FAM120A: variants seen among roughly 807,000 people sequenced by gnomAD.
FAM120A encodes the protein constitutive coactivator of PPAR-gamma-like protein 1.
FAM120A carries 15 observed loss-of-function variants against 109.7 expected under a neutral mutation model. That is an observed-to-expected ratio of 0.14 (90% CI 0.09 to 0.21). The LOEUF is 0.21. Among genes scored for constraint, FAM120A ranks in the 10% least tolerant of loss-of-function variants. The probability of loss-of-function intolerance (pLI) is 1.00; values close to 1 mark genes in which losing one functional copy is unlikely to be tolerated. For missense variants in FAM120A, 899 were observed against 1,439.3 expected (o/e 0.62, Z 6.07); for synonymous variants, 493 against 572.8 (o/e 0.86, Z 1.99).
intron 5 of FAM120A, among the ~76,000 whole-genome samples, chr9:93,504,866 C>A (rs1019101822): frequency 1.3e-5 from 2 of 151,980 alleles, no homozygotes; most frequent in East Asian, 1.9e-4. Context: ...ATTCTCCTGG[C>A]AGAAGTGAAA....
In FAM120A at chr9:93,564,341, G is replaced by T. The variant is rs753136628; in HGVS notation, c.3158G>T (p.Gly1053Val). Residue 1053 changes from glycine to valine, a missense_variant, in exon 18 of 18, where the codon GGA becomes GTA. Coordinates refer to ENST00000277165, the MANE Select transcript of FAM120A (RefSeq NM_014612.5). ...MSSDGSLAEN[G>V]VMAEEKPAPQ... ...TCAGACGGGTCCCTGGCTGAAAACGGAGTGATGGCCGAGGAGAAGCCGGCT... is the reference window on the plus strand; with the variant it reads ...TCAGACGGGTCCCTGGCTGAAAACGTAGTGATGGCCGAGGAGAAGCCGGCT... 9 of 1,614,234 alleles carry T rather than the reference G, an allele frequency of 5.6e-6. No homozygotes were observed. In the South Asian group the frequency reaches 9.9e-5, roughly 18 times the overall value.
chr9:93,554,977 GGCT>G (rs1353556092), intron 12 of FAM120A, among the ~76,000 whole-genome samples: 21 of 152,184 alleles, frequency 1.4e-4, no homozygotes, highest in African/African-American at 5.1e-4. Context: ...ACCTGTGCTT[GGCT>G]GCTTTCCAAC....
At chr9:93,543,125 A>AT in intron 10 of FAM120A, 97 bp from the exon 11 acceptor site, 1 of 1,463,526 alleles carries the variant, frequency 6.8e-7, no homozygotes, top group East Asian at 2.3e-5. Context: ...TGAGAGGCGA[A>AT]TCTTTAGACC....
At position 93,532,181 on chromosome 9, in the gene FAM120A, T is replaced by C. The variant is rs553404571; in HGVS notation, c.1761T>C (p.Ile587=). 5.8e-5 allele frequency: 93 copies of C among 1,614,172 alleles called. No homozygotes were observed. The Admixed American group carries it at 1.1e-3, about 20-fold the overall frequency. ...TKGEIKIAVS[I]EDEANKDLPP... is the part of the protein sequence containing the mutation. ...GTGAAATCAAAATTGCTGTTTCTATTGAAGATGAAGCCAACAAGGACCTGC... is the reference window on the plus strand; with the variant it reads ...GTGAAATCAAAATTGCTGTTTCTATCGAAGATGAAGCCAACAAGGACCTGC... Residue 587 remains isoleucine (I), a synonymous_variant, in exon 10 of 18, where the codon ATT becomes ATC. Coordinates refer to ENST00000277165, the MANE Select transcript of FAM120A (RefSeq NM_014612.5). This position sits in a 1 kb window ranked among gnomAD's most constrained non-coding sequence, Gnocchi z 4.3.
At chr9:93,495,014 G>A (rs527632290) in intron 3 of FAM120A, among the ~76,000 whole-genome samples, 154 of 152,312 alleles carry the variant, frequency 1.0e-3, no homozygotes, top group Middle Eastern at 6.8e-3. Flanking sequence ...ATCACCCAGG[G>A]TTTCCATAGT....
chr9:93,543,530 C>T (rs1342240971), intron 11 of FAM120A, 59 bp downstream of exon 11: 1 of 1,573,268 alleles, frequency 6.4e-7, no homozygotes, highest in Non-Finnish European at 8.6e-7. Context: ...GGGCCATGAC[C>T]ATGGTGTCAG....
At chr9:93,562,101 G>C in intron 16 of FAM120A, 107 bp from the exon 17 acceptor site, 1 of 956,702 alleles carries the variant, frequency 1.0e-6, no homozygotes, top group Non-Finnish European at 1.6e-6. Context: ...TTAATTCAGT[G>C]CTTCATAAAA....
At chr9:93,482,449 C>G (rs1158693042) in intron 3 of FAM120A, among the ~76,000 whole-genome samples, 2 of 152,162 alleles carry the variant, frequency 1.3e-5, no homozygotes, top group African/African-American at 2.4e-5. Flanking sequence ...CCTCAGCCTG[C>G]CAAAGTGCTA....
Position 93,503,343 on chromosome 9 carries a change from C to T in FAM120A, c.1030+4457C>T, listed in dbSNP as rs532563741. Among the ~76,000 whole-genome samples the T allele has an allele frequency of 3.9e-5, 6 of 152,256 alleles. No homozygotes were observed. In the South Asian group the frequency reaches 1.2e-3, roughly 32 times the overall value. On this transcript the variant is annotated intron_variant, in intron 5 of 17. Transcript: ENST00000277165. ...CGCTTGGAGGCTACCAATATGTCTT[C>T]AGTAGGTCAACAGGGAAATAAAGTT...
At chr9:93,464,563 C>T (rs1857930942) in intron 1 of FAM120A, among the ~76,000 whole-genome samples, 1 of 152,198 alleles carries the variant, frequency 6.6e-6, no homozygotes, top group Non-Finnish European at 1.5e-5. Flanking sequence ...CATCACTTCA[C>T]AAGAGCTGAA....
At chr9:93,494,702 G>T (rs1374708170) in intron 3 of FAM120A, among the ~76,000 whole-genome samples, 1 of 152,166 alleles carries the variant, frequency 6.6e-6, no homozygotes, top group Non-Finnish European at 1.5e-5. Context: ...GACCTGCTTT[G>T]TTCAGTCACT....
intron 3 of FAM120A, among the ~76,000 whole-genome samples, chr9:93,489,729 G>A (rs1000354511): frequency 9.9e-5 from 15 of 152,154 alleles, no homozygotes; most frequent in African/African-American, 3.1e-4. Context: ...GTGTCATAAC[G>A]TTTCAAGAAA....
intron 11 of FAM120A, among the ~76,000 whole-genome samples, chr9:93,543,958 C>T (rs890251764): frequency 2.6e-5 from 4 of 152,116 alleles, no homozygotes; most frequent in Admixed American, 6.5e-5. Flanking sequence ...TATACAAACA[C>T]GGCGAGTATT....
At chr9:93,467,348 G>T (rs1858093464) in intron 1 of FAM120A, among the ~76,000 whole-genome samples, 1 of 140,684 alleles carries the variant, frequency 7.1e-6, no homozygotes, top group South Asian at 2.2e-4. Flanking sequence ...GGTTTTTAAT[G>T]CCAGGTTGCA....
chr9:93,453,860 G>A lies in FAM120A; in HGVS notation c.474+1471G>A, dbSNP rs1051397685. ...TGTTCATAGTTTAGTCTTGTTCAGA[G>A]ATGGAAAAGACTACTTAAAAGACAG... is the stretch of plus-strand genomic sequence containing the variant. On this transcript the variant is annotated intron_variant, in intron 1 of 17. Coordinates refer to ENST00000277165, the MANE Select transcript of FAM120A (RefSeq NM_014612.5). 2.6e-5 allele frequency among the ~76,000 whole-genome samples: 4 copies of A among 152,218 alleles called. No homozygotes were observed. The East Asian group carries it at 5.8e-4, about 22-fold the overall frequency.
chr9:93,528,200 A>G (rs1195092307), intron 8 of FAM120A, among the ~76,000 whole-genome samples: 1 of 152,226 alleles, frequency 6.6e-6, no homozygotes, highest in Non-Finnish European at 1.5e-5. Flanking sequence ...GTTGTTCTAC[A>G]TCTGTATTCT....
At chr9:93,547,585 G>A (rs1193552778) in intron 11 of FAM120A, among the ~76,000 whole-genome samples, 2 of 152,214 alleles carry the variant, frequency 1.3e-5, no homozygotes, top group Admixed American at 1.3e-4. Flanking sequence ...AATGAAGGCT[G>A]TGGGAAGTTA....
intron 1 of FAM120A, among the ~76,000 whole-genome samples, chr9:93,454,084 ACAC>A (rs1857435496): frequency 1.3e-5 from 2 of 152,208 alleles, no homozygotes; most frequent in Admixed American, 1.3e-4. Context: ...AATGCCTCGC[ACAC>A]CTAGTAGGTG....
Position 93,452,423 on chromosome 9 carries a change from G to T in FAM120A, c.474+34G>T. 1 of 1,575,650 alleles carries T rather than the reference G, an allele frequency of 6.3e-7. No individual in the cohort carries two copies. The highest frequency in any genetic ancestry group is 2.3e-5 in the East Asian group (1 of 42,926). Reference sequence around the variant, plus strand: ...GGGGATCCGGGCGGGCCGGGGACCGGGGCCGCGCCGCACCCCTATCCCCCT... The same window carrying T: ...GGGGATCCGGGCGGGCCGGGGACCGTGGCCGCGCCGCACCCCTATCCCCCT... On this transcript the variant is annotated intron_variant, in intron 1 of 17. Coordinates refer to ENST00000277165, the MANE Select transcript of FAM120A (RefSeq NM_014612.5). This position sits in a 1 kb window ranked among gnomAD's most constrained non-coding sequence, Gnocchi z 7.0.
Sources: allele counts gnomAD v4.1 joint callset (sites outside exome capture counted in the v4.1 genomes callset), GRCh38; gene constraint gnomAD v4.1.1; non-coding constraint Gnocchi (gnomAD v3.1); transcripts MANE v1.5; gene names NCBI Gene and HGNC (gene_info 2026-07-23, HGNC 2026-07-21).